Variants in OTOGL observed in about 807,000 individuals in gnomAD.
The protein encoded by OTOGL is otogelin like, also known as otogelin-like protein.
Under a neutral mutation model 318.5 loss-of-function variants are expected in OTOGL, and 285 were observed. That is an observed-to-expected ratio of 0.89 (90% CI 0.81 to 0.99). OTOGL has a LOEUF of 0.99. OTOGL is among the 50% of genes least tolerant of loss of function. The pLI, the probability that OTOGL is intolerant of heterozygous loss-of-function variation, is 0.00. For synonymous variants in OTOGL, 987 were observed against 936.5 expected (o/e 1.05, Z -0.99); for missense variants, 2,899 against 2,845.6 (o/e 1.02, Z -0.43).
At chr12:80,234,562 G>A (rs976602789) in intron 9 of OTOGL, among the ~76,000 whole-genome samples, 3 of 152,210 alleles carry the variant, frequency 2.0e-5, no homozygotes, top group African/African-American at 7.2e-5. Context: ...CTTCATAAGG[G>A]TTGCAAGGAT....
At position 80,302,773 on chromosome 12, in the gene OTOGL, C is replaced by A; in HGVS notation, c.3203C>A (p.Pro1068Gln). The change falls in exon 28 of 59, where the codon CCA becomes CAA. Residue 1068 changes from proline (P) to glutamine (Q), a missense_variant. Coordinates refer to ENST00000547103, the MANE Select transcript of OTOGL (RefSeq NM_001378609.3). Reference protein sequence around the residue: ...RKTTIHIKVGPQWKNKLSGLC... With the variant: ...RKTTIHIKVGQQWKNKLSGLC... ...ACAACTATTCATATCAAAGTTGGGC[C>A]ACAGTGGAAGGTAGGTCAACCTAAG... is the stretch of plus-strand genomic sequence containing the variant. 1 of 1,504,550 alleles carries A rather than the reference C, an allele frequency of 6.6e-7. No homozygotes were observed. The highest frequency in any genetic ancestry group is 8.8e-7 in the Non-Finnish European group (1 of 1,133,682). 93.2% of individuals were successfully genotyped at this position (1,504,550 alleles called of 1,614,324 possible).
chr12:80,327,302 T>C (rs1887736626), intron 35 of OTOGL, among the ~76,000 whole-genome samples: 1 of 152,198 alleles, frequency 6.6e-6, no homozygotes, highest in African/African-American at 2.4e-5. Flanking sequence ...GACTTTCCCT[T>C]GTCTTCTGTG....
At chr12:80,130,341 T>C (rs566126011) in intron 1 of OTOGL, among the ~76,000 whole-genome samples, 1 of 152,210 alleles carries the variant, frequency 6.6e-6, no homozygotes, top group African/African-American at 2.4e-5. Flanking sequence ...TGGATATAGA[T>C]GCTGAGGCCA....
chr12:80,167,030 A>T (rs1052583677), intron 1 of OTOGL, among the ~76,000 whole-genome samples: 15 of 152,144 alleles, frequency 9.9e-5, no homozygotes, highest in African/African-American at 3.6e-4. Flanking sequence ...TTAAATTTTG[A>T]TATTTTATCT....
At chr12:80,319,545 T>G (rs1333773382) in intron 33 of OTOGL, among the ~76,000 whole-genome samples, 1 of 152,198 alleles carries the variant, frequency 6.6e-6, no homozygotes, top group Non-Finnish European at 1.5e-5. Context: ...TACATTTTTT[T>G]CTCATGTAAA....
intron 1 of OTOGL, among the ~76,000 whole-genome samples, chr12:80,197,428 G>GACC (rs1246848166): frequency 6.6e-6 from 1 of 152,148 alleles, no homozygotes; most frequent in East Asian, 1.9e-4. Flanking sequence ...GTTTCACCAT[G>GACC]TTGGCCAGGC....
chr12:80,305,202 A>G lies in OTOGL; in HGVS notation c.3214-374A>G, dbSNP rs191676989. 2.0e-5 allele frequency among the ~76,000 whole-genome samples: 3 copies of G among 152,148 alleles called. No individual in the cohort carries two copies. In the East Asian group the frequency reaches 5.8e-4, roughly 29 times the overall value. On this transcript the variant is annotated intron_variant, in intron 28 of 58. Transcript: ENST00000547103. ...ATATAATTATGAATTACATATGTAT[A>G]TATATATACACATGAATTCTGTGTA... is the stretch of plus-strand genomic sequence containing the variant.
chr12:80,371,335 C>A (rs1212050308), intron 56 of OTOGL, among the ~76,000 whole-genome samples: 1 of 151,906 alleles, frequency 6.6e-6, no homozygotes, highest in Non-Finnish European at 1.5e-5. Context: ...ACAGTCTAGT[C>A]TCATTGATTT....
intron 1 of OTOGL, among the ~76,000 whole-genome samples, chr12:80,127,533 T>C (rs1313559511): frequency 6.6e-6 from 1 of 152,174 alleles, no homozygotes; most frequent in Non-Finnish European, 1.5e-5. Flanking sequence ...GTTGCTCTTC[T>C]CGAGGAGTAT....
chr12:80,172,945 G>C (rs541111166), intron 1 of OTOGL, among the ~76,000 whole-genome samples: 1 of 152,254 alleles, frequency 6.6e-6, no homozygotes, highest in South Asian at 2.1e-4. Context: ...TGGGGGTGTG[G>C]GAGGAGGGAG....
At chr12:80,367,161 A>C (rs1051387749) in intron 53 of OTOGL, among the ~76,000 whole-genome samples, 26 of 143,728 alleles carry the variant, frequency 1.8e-4, no homozygotes, top group Non-Finnish European at 3.0e-4. Context: ...TTTTTTTGGA[A>C]ATGGGGTCTT....
rs372543141 is a variant in OTOGL, at chr12:80,252,132, A to G, written c.1216A>G (p.Thr406Ala). 2 of 1,573,384 alleles carry G rather than the reference A, an allele frequency of 1.3e-6. No homozygotes were observed. The highest frequency in any genetic ancestry group is 1.3e-5 in the African/African-American group (1 of 74,232). ...HRDCISCCPP[T>A]CTFEKQCLGS... ...GGACTGTATCAGTTGTTGTCCACCA[A>G]CCTGCACATTTGAGAAGCAATGTCT... Residue 406 changes from threonine to alanine, a missense_variant, in exon 13 of 59, where the codon ACC (threonine) becomes GCC (alanine). Physicochemically the swap from Thr to Ala is moderately conservative, Grantham distance 58. Around this residue, in one of 3 missense-constraint regions of OTOGL, gnomAD observed 2,607 missense variants for 2,524.9 expected, o/e 1.03. Coordinates refer to ENST00000547103, the MANE Select transcript of OTOGL (RefSeq NM_001378609.3).
At chr12:80,223,344 G>A (rs1302311110) in intron 7 of OTOGL, among the ~76,000 whole-genome samples, 4 of 151,696 alleles carry the variant, frequency 2.6e-5, no homozygotes, top group African/African-American at 9.7e-5. Flanking sequence ...GGGCATTTGG[G>A]CTGGTTCCAT....
At chr12:80,175,969 G>A (rs1475101120) in intron 1 of OTOGL, among the ~76,000 whole-genome samples, 2 of 152,180 alleles carry the variant, frequency 1.3e-5, no homozygotes, top group South Asian at 2.1e-4. Context: ...ATATAGGCAT[G>A]TCAGTGACTG....
intron 29 of OTOGL, among the ~76,000 whole-genome samples, chr12:80,310,242 A>C (rs1439107758): frequency 6.6e-6 from 1 of 152,172 alleles, no homozygotes; most frequent in Non-Finnish European, 1.5e-5. Flanking sequence ...TTGAGTCTGC[A>C]GAGACTTGGG....
At chr12:80,244,234 T>C (rs1457431773) in intron 11 of OTOGL, among the ~76,000 whole-genome samples, 1 of 151,146 alleles carries the variant, frequency 6.6e-6, no homozygotes, top group Non-Finnish European at 1.5e-5. Flanking sequence ...GTTAGTTACA[T>C]ATGTATACAT....
intron 14 of OTOGL, among the ~76,000 whole-genome samples, chr12:80,254,069 A>G (rs950418271): frequency 5.9e-5 from 9 of 152,124 alleles, no homozygotes; most frequent in Non-Finnish European, 1.2e-4. Context: ...GTGTCTGTGT[A>G]TATAATTGAA....
chr12:80,333,446 C>T (rs754965835), intron 38 of OTOGL, among the ~76,000 whole-genome samples: 1 of 151,832 alleles, frequency 6.6e-6, no homozygotes, highest in Non-Finnish European at 1.5e-5. Flanking sequence ...AGATAAAAGT[C>T]ATTGTCTCCT....
At chr12:80,333,493 G>T (rs1382226494) in intron 38 of OTOGL, among the ~76,000 whole-genome samples, 1 of 151,840 alleles carries the variant, frequency 6.6e-6, no homozygotes, top group East Asian at 1.9e-4. Context: ...GTTGGGCAGA[G>T]ATCTTCTTAT....
Sources: allele counts gnomAD v4.1 joint callset (sites outside exome capture counted in the v4.1 genomes callset), GRCh38; gene constraint gnomAD v4.1.1; regional missense constraint gnomAD v4.1.1; transcripts MANE v1.5; gene names NCBI Gene and HGNC (gene_info 2026-07-23, HGNC 2026-07-21).